LDLRAD3: variants seen among roughly 807,000 people sequenced by gnomAD.
The protein encoded by LDLRAD3 is low density lipoprotein receptor class A domain containing 3, also known as low-density lipoprotein receptor class A domain-containing protein 3.
A neutral mutation model predicts 29.4 loss-of-function variants in LDLRAD3; 20 were observed. The observed-to-expected ratio is 0.68, with a 90% CI of 0.48 to 0.99. LDLRAD3 has a LOEUF of 0.99. Among genes scored for constraint, LDLRAD3 ranks in the 50% least tolerant of loss-of-function variants. The pLI is 0.00. For synonymous variants in LDLRAD3, 157 were observed against 192.7 expected (o/e 0.81, Z 1.53); for missense variants, 420 against 454.3 (o/e 0.92, Z 0.69).
rs10466461 is a variant in LDLRAD3 at position 36,167,417 on chromosome 11, C to T, written c.455-59668C>T. Among the ~76,000 whole-genome samples the T allele has an allele frequency of 8.8e-3, 1,337 of 152,246 alleles. 31 individuals carry two copies. Among genetic ancestry groups the T allele is most frequent in the African/African-American group, 0.03 (1,260 of 41,518 alleles). ...AGTTGACACATAAAATTAACCATCA[C>T]GATGAGGTCATACTGGATTAGGGTG... On this transcript the variant is annotated intron_variant, in intron 4 of 5. Coordinates refer to ENST00000315571, the MANE Select transcript of LDLRAD3 (RefSeq NM_174902.4).
At chr11:36,133,968 A>G (rs1307271953) in intron 4 of LDLRAD3, among the ~76,000 whole-genome samples, 2 of 151,542 alleles carry the variant, frequency 1.3e-5, no homozygotes, top group Non-Finnish European at 2.9e-5. Flanking sequence ...TCAGATTTCC[A>G]AGTATATATA....
chr11:36,201,877 T>C (rs1177703112), intron 4 of LDLRAD3, among the ~76,000 whole-genome samples: 1 of 152,204 alleles, frequency 6.6e-6, no homozygotes. Context: ...TCTAGCTTCC[T>C]TGGACCTTAG....
intron 4 of LDLRAD3, among the ~76,000 whole-genome samples, chr11:36,122,533 G>A (rs1010263722): frequency 4.6e-5 from 7 of 152,076 alleles, no homozygotes; most frequent in South Asian, 2.1e-4. Flanking sequence ...GCAATTATTC[G>A]TTCTGTGGTT....
chr11:36,222,105 TG>T (rs1855436970), intron 4 of LDLRAD3, among the ~76,000 whole-genome samples: 1 of 152,200 alleles, frequency 6.6e-6, no homozygotes, highest in Non-Finnish European at 1.5e-5. Flanking sequence ...GGTCTCGCTC[TG>T]TCACTCAGGC....
intron 4 of LDLRAD3, among the ~76,000 whole-genome samples, chr11:36,178,556 C>T (rs911111744): frequency 1.3e-5 from 2 of 152,242 alleles, no homozygotes; most frequent in Admixed American, 6.5e-5. Context: ...CATTCAGAGC[C>T]GTGCATTTGA....
chr11:36,207,212 T>A (rs925555522), intron 4 of LDLRAD3, among the ~76,000 whole-genome samples: 2 of 152,150 alleles, frequency 1.3e-5, no homozygotes, highest in African/African-American at 4.8e-5. Flanking sequence ...CTCCCTCTGT[T>A]CCTGGGCACG....
At chr11:36,062,127 T>G (rs147316295) in intron 2 of LDLRAD3, among the ~76,000 whole-genome samples, 121 of 152,330 alleles carry the variant, frequency 7.9e-4, no homozygotes, top group African/African-American at 2.8e-3. Context: ...TTAGGTAACT[T>G]GTCCAAGGTC....
intron 4 of LDLRAD3, among the ~76,000 whole-genome samples, chr11:36,174,849 G>T (rs1445588006): frequency 2.6e-5 from 4 of 152,184 alleles, no homozygotes; most frequent in Non-Finnish European, 5.9e-5. Context: ...GGGCGTGGTG[G>T]CAGGTGCCTG....
At position 36,000,582 on chromosome 11, in the gene LDLRAD3, C is replaced by T. The variant is rs575198104; in HGVS notation, c.47-35521C>T. Among the ~76,000 whole-genome samples, 323 of 152,182 alleles carry T rather than the reference C, an allele frequency of 2.1e-3. 2 individuals are homozygous for T. Among genetic ancestry groups the T allele is most frequent in the African/African-American group, 6.8e-3 (282 of 41,510 alleles). Reference sequence around the variant, plus strand: ...AGCATTTATTATGTTAACTATATTTCTTTATATGTGTGAAATATTTAATGC... The same window carrying T: ...AGCATTTATTATGTTAACTATATTTTTTTATATGTGTGAAATATTTAATGC... On this transcript the variant is annotated intron_variant, in intron 1 of 5. Coordinates refer to ENST00000315571, the MANE Select transcript of LDLRAD3 (RefSeq NM_174902.4).
chr11:36,122,801 T>C (rs1475426984), intron 4 of LDLRAD3, among the ~76,000 whole-genome samples: 1 of 152,160 alleles, frequency 6.6e-6, no homozygotes, highest in Non-Finnish European at 1.5e-5. Flanking sequence ...GAAGGATTGC[T>C]TAAGCCCAGG....
chr11:36,149,850 GTGTTCCTCATGAC>G lies in LDLRAD3; in HGVS notation c.454+51404_454+51416del, dbSNP rs1319578882. Among the ~76,000 whole-genome samples the G allele has an allele frequency of 2.9e-3, 439 of 152,254 alleles. 3 individuals carry two copies. Among genetic ancestry groups the G allele is most frequent in the African/African-American group, 1.0e-2 (414 of 41,546 alleles). On this transcript the variant is annotated intron_variant, in intron 4 of 5. Coordinates refer to ENST00000315571, the MANE Select transcript of LDLRAD3 (RefSeq NM_174902.4). Reference sequence around the variant, plus strand: ...CGTCTGTTCCTCATGACTCATGAATGTGTTCCTCATGACTGTTCCTCATGACTCATGTTCCTCA... The same window carrying G: ...CGTCTGTTCCTCATGACTCATGAATGTGTTCCTCATGACTCATGTTCCTCA...
intron 1 of LDLRAD3, among the ~76,000 whole-genome samples, chr11:36,019,477 A>C (rs1014488287): frequency 8.5e-5 from 13 of 152,196 alleles, no homozygotes; most frequent in Non-Finnish European, 1.8e-4. Context: ...GCCACCTTCC[A>C]TATAGGTAGA....
chr11:36,078,717 G>C (rs1172586563), intron 2 of LDLRAD3, among the ~76,000 whole-genome samples: 1 of 152,186 alleles, frequency 6.6e-6, no homozygotes, highest in East Asian at 1.9e-4. Flanking sequence ...TGTAGAGTGT[G>C]GCACTGCCCT....
At chr11:36,193,234 G>A (rs576638231) in intron 4 of LDLRAD3, among the ~76,000 whole-genome samples, 1 of 152,208 alleles carries the variant, frequency 6.6e-6, no homozygotes, top group South Asian at 2.1e-4. Flanking sequence ...CCAAAATATG[G>A]CAACTAGTGA....
chr11:36,152,104 G>A (rs1023810308), intron 4 of LDLRAD3, among the ~76,000 whole-genome samples: 3 of 149,808 alleles, frequency 2.0e-5, no homozygotes, highest in East Asian at 1.9e-4. Context: ...AACTGAAACC[G>A]CAAATTGGCC....
At chr11:35,996,093 T>C (rs531622202) in intron 1 of LDLRAD3, among the ~76,000 whole-genome samples, 65 of 152,360 alleles carry the variant, frequency 4.3e-4, no homozygotes, top group African/African-American at 1.5e-3. Context: ...TTTGGCTAAG[T>C]GTTTGGCCCA....
At chr11:36,169,149 C>G (rs934846016) in intron 4 of LDLRAD3, among the ~76,000 whole-genome samples, 2 of 152,100 alleles carry the variant, frequency 1.3e-5, no homozygotes, top group Non-Finnish European at 1.5e-5. Context: ...TCTTATTGAT[C>G]TGTGAGCTTT....
chr11:36,133,255 C>T (rs974023122), intron 4 of LDLRAD3, among the ~76,000 whole-genome samples: 22 of 147,698 alleles, frequency 1.5e-4, no homozygotes, highest in African/African-American at 5.0e-4. Flanking sequence ...AGGTTGGTCT[C>T]GAACTCCTGG....
rs1851031888 is a variant in LDLRAD3, at chr11:35,944,535, T to C, written c.46+391T>C. Among the ~76,000 whole-genome samples, 1 of 152,098 alleles carries C rather than the reference T, an allele frequency of 6.6e-6. No homozygotes were observed. Among genetic ancestry groups the C allele is most frequent in the South Asian group, 2.1e-4 (1 of 4,836 alleles). On this transcript the variant is annotated intron_variant, in intron 1 of 5. Coordinates refer to ENST00000315571, the MANE Select transcript of LDLRAD3 (RefSeq NM_174902.4). The surrounding 1 kb of genome is among the most constrained non-coding windows in gnomAD (Gnocchi z 4.9). Reference sequence around the variant, plus strand: ...AGGAGAGAACTCTTCCCTGGTCTCATCTTCCCAGACGCCTGGTCGCGCGCG... The same window carrying C: ...AGGAGAGAACTCTTCCCTGGTCTCACCTTCCCAGACGCCTGGTCGCGCGCG...
Sources: gnomAD v4.1 joint callset for allele counts (sites outside exome capture counted in the v4.1 genomes callset) on GRCh38, gnomAD v4.1.1 for gene constraint, Gnocchi (gnomAD v3.1) non-coding constraint, MANE v1.5 for transcripts, NCBI Gene and HGNC (gene_info 2026-07-23, HGNC 2026-07-21) for gene names.